ABCB10: variants seen among roughly 807,000 people sequenced by gnomAD.
ABCB10 encodes the protein ATP binding cassette subfamily B member 10, also known as ATP-binding cassette sub-family B member 10, mitochondrial.
A neutral mutation model predicts 65.4 loss-of-function variants in ABCB10; 54 were observed. The observed-to-expected ratio is 0.83, with a 90% confidence interval of 0.66 to 1.04. The LOEUF (loss-of-function observed/expected upper bound fraction) is 1.04, where lower values mean the gene tolerates loss of function less well. ABCB10 is among the 50% of genes least tolerant of loss of function. The pLI is 0.00. For missense variants in ABCB10, 846 were observed against 976.6 expected (o/e 0.87, Z 1.78); for synonymous variants, 418 against 406.5 (o/e 1.03, Z -0.34).
chr1:229,529,295 CAAAAAAAAA>C (rs59264291), intron 8 of ABCB10, among the ~76,000 whole-genome samples: 9 of 23,126 alleles, frequency 3.9e-4, no homozygotes, highest in African/African-American at 9.8e-4. Context: ...GACTCCGTCT[CAAAAAAAAA>C]AAAAAAAAAA....
intron 9 of ABCB10, among the ~76,000 whole-genome samples, 159 bp downstream of exon 9, chr1:229,527,070 T>C (rs1368108976): frequency 6.6e-6 from 1 of 151,968 alleles, no homozygotes. Context: ...ACAGCGCTAC[T>C]TGCAAACCTA....
chr1:229,531,545 C>T (rs1571963157), intron 7 of ABCB10, 91 bp downstream of exon 7: 34 of 1,293,190 alleles, frequency 2.6e-5, no homozygotes, highest in Admixed American at 2.1e-4. Context: ...TGTGGCTCAT[C>T]CCTCACTCCC....
At chr1:229,540,284 C>T (rs928913258) in intron 5 of ABCB10, among the ~76,000 whole-genome samples, 3 of 152,012 alleles carry the variant, frequency 2.0e-5, no homozygotes, top group African/African-American at 7.3e-5. Context: ...GATTGCTGGC[C>T]CCAGTTTCCT....
chr1:229,534,025 C>T (rs1175510421), intron 6 of ABCB10, among the ~76,000 whole-genome samples: 1 of 152,104 alleles, frequency 6.6e-6, no homozygotes, highest in Non-Finnish European at 1.5e-5. Context: ...AAAGACCTAT[C>T]CAATAAAGGA....
chr1:229,536,867 G>T (rs1662732652), intron 6 of ABCB10, among the ~76,000 whole-genome samples: 2 of 151,868 alleles, frequency 1.3e-5, no homozygotes, highest in African/African-American at 4.8e-5. Context: ...TGAGGTGAGA[G>T]GACTGCTTGA....
At chr1:229,548,119 A>G (rs1458463642) in intron 2 of ABCB10, among the ~76,000 whole-genome samples, 1 of 151,666 alleles carries the variant, frequency 6.6e-6, no homozygotes, top group Non-Finnish European at 1.5e-5. Context: ...CTCCCACCTC[A>G]GCCTCCTGGG....
chr1:229,519,341 A>G (rs1285323315), intron 11 of ABCB10, among the ~76,000 whole-genome samples: 1 of 152,216 alleles, frequency 6.6e-6, no homozygotes, highest in Admixed American at 6.5e-5. Flanking sequence ...ACATAAATGA[A>G]AGAATTAGAG....
In ABCB10 at chr1:229,518,427, C is replaced by T; in HGVS notation, c.1986-17G>A. 1 of 1,608,982 alleles carries T rather than the reference C, an allele frequency of 6.2e-7. No individual in the cohort carries two copies. Among genetic ancestry groups the T allele is most frequent in the African/African-American group, 1.3e-5 (1 of 74,988 alleles). On this transcript the variant is annotated splice_polypyrimidine_tract_variant and intron_variant, in intron 12 of 12. Transcript: ENST00000344517. Reference sequence around the variant, plus strand: ...TCCAGCGCACTGACACAGGAGCACACACACAAGAAAGCAAAGACGTCAGTG... The same window carrying T: ...TCCAGCGCACTGACACAGGAGCACATACACAAGAAAGCAAAGACGTCAGTG...
At chr1:229,527,100 T>G in intron 9 of ABCB10, 129 bp downstream of exon 9, 59 of 839,810 alleles carry the variant, frequency 7.0e-5, no homozygotes, top group Non-Finnish European at 1.0e-4. Flanking sequence ...CCATGTGAGA[T>G]GAGCTTAATA....
At chr1:229,540,825 A>C in intron 4 of ABCB10, 73 bp from the exon 5 acceptor site, 20 of 1,466,482 alleles carry the variant, frequency 1.4e-5, no homozygotes, top group East Asian at 2.4e-5. Context: ...GAAAAATAAA[A>C]TGTGGTTCTC....
chr1:229,520,826 A>C (rs1662297210), intron 11 of ABCB10, among the ~76,000 whole-genome samples: 1 of 152,230 alleles, frequency 6.6e-6, no homozygotes, highest in Non-Finnish European at 1.5e-5. Flanking sequence ...GTCTGATTCC[A>C]TTTATCTGAA....
At chr1:229,518,755 T>A (rs1235823378) in intron 12 of ABCB10, 86 bp downstream of exon 12, 18 of 1,151,630 alleles carry the variant, frequency 1.6e-5, no homozygotes, top group Non-Finnish European at 2.3e-5. Context: ...GTTGTATCAC[T>A]TTGAGGTACA....
chr1:229,523,815 T>C (rs1662370918), intron 10 of ABCB10, among the ~76,000 whole-genome samples: 1 of 152,118 alleles, frequency 6.6e-6, no homozygotes, highest in East Asian at 1.9e-4. Flanking sequence ...AGCCTCACAC[T>C]TCAATGTTCA....
In ABCB10 at chr1:229,517,248, A is replaced by C. The variant is rs1177041913; in HGVS notation, c.*931T>G. The C allele has an allele frequency of 6.6e-6, 1 of 152,216 alleles. No homozygotes were observed. Among genetic ancestry groups the C allele is most frequent in the Non-Finnish European group, 1.5e-5 (1 of 68,024 alleles). The allele number at this position is 152,216 out of a possible 1,614,324, so 9.4% of individuals were successfully genotyped here. ...AAGGACTTCCAAACTTAAATGTCTT[A>C]AGGCTGAAAATTAGTTATATTCCTC... is the stretch of plus-strand genomic sequence containing the variant. On this transcript the variant is annotated 3_prime_UTR_variant, in exon 13 of 13. Coordinates refer to ENST00000344517, the MANE Select transcript of ABCB10 (RefSeq NM_012089.3).
chr1:229,558,100 G>A, intron 1 of ABCB10, 36 bp downstream of exon 1: 7 of 1,325,118 alleles, frequency 5.3e-6, no homozygotes, highest in South Asian at 1.8e-5. Flanking sequence ...GAGAAGGAGA[G>A]GCCCGGCGGA....
intron 2 of ABCB10, among the ~76,000 whole-genome samples, chr1:229,548,680 T>G (rs77592952): frequency 6.6e-6 from 1 of 150,868 alleles, no homozygotes; most frequent in Admixed American, 6.6e-5. Flanking sequence ...TTTTTTTTTT[T>G]GAGATGGAGT....
At chr1:229,525,688 T>A (rs936250548) in intron 10 of ABCB10, among the ~76,000 whole-genome samples, 15 of 151,952 alleles carry the variant, frequency 9.9e-5, no homozygotes, top group African/African-American at 3.4e-4. Context: ...AAAAATTAGC[T>A]GGACGTGGTG....
At chr1:229,526,917 G>C (rs537225366) in intron 9 of ABCB10, among the ~76,000 whole-genome samples, 2 of 152,104 alleles carry the variant, frequency 1.3e-5, no homozygotes, top group Non-Finnish European at 2.9e-5. Flanking sequence ...AAGTGGGGAA[G>C]AATCAGTAAA....
intron 1 of ABCB10, among the ~76,000 whole-genome samples, chr1:229,554,789 C>A (rs1028872465): frequency 6.6e-6 from 1 of 152,224 alleles, no homozygotes; most frequent in Admixed American, 6.5e-5. Context: ...CCAGCCCCCA[C>A]AGGGCACTGT....
Sources: allele counts gnomAD v4.1 joint callset (sites outside exome capture counted in the v4.1 genomes callset), GRCh38; gene constraint gnomAD v4.1.1; transcripts MANE v1.5; gene names NCBI Gene and HGNC (gene_info 2026-07-23, HGNC 2026-07-21).